Variants in KCNIP3 observed in about 807,000 individuals in gnomAD.
The protein encoded by KCNIP3 is potassium voltage-gated channel interacting protein 3, also known as calsenilin.
In KCNIP3, 28 loss-of-function variants were observed where a neutral mutation model predicts 35.0. The ratio of observed to expected loss-of-function variants is 0.80; its 90% CI spans 0.59 to 1.10. The LOEUF is 1.10. Ranked by LOEUF, KCNIP3 falls within the 50% of genes least tolerant of loss-of-function variation. The pLI, the probability that KCNIP3 is intolerant of heterozygous loss-of-function variation, is 0.00. For synonymous variants in KCNIP3, 134 were observed against 133.8 expected (o/e 1.00, Z -0.01); for missense variants, 295 against 338.4 (o/e 0.87, Z 1.01).
chr2:95,349,652 C>A (rs1679462871), intron 2 of KCNIP3, among the ~76,000 whole-genome samples: 1 of 152,208 alleles, frequency 6.6e-6, no homozygotes, highest in South Asian at 2.1e-4. Flanking sequence ...CAGGGCAAAT[C>A]AGTGGGCAGC....
chr2:95,308,651 C>G (rs1236768809), intron 1 of KCNIP3, among the ~76,000 whole-genome samples: 1 of 152,166 alleles, frequency 6.6e-6, no homozygotes, highest in East Asian at 1.9e-4. Context: ...TCGCTGGGCT[C>G]TGTGTGGACG....
rs750639376 is a variant in KCNIP3 at position 95,384,055 on chromosome 2, G to A, written c.*6G>A. 1.7e-5 allele frequency: 27 copies of A among 1,613,388 alleles called. No homozygotes were observed. The Middle Eastern group carries it at 8.2e-4, about 49-fold the overall frequency. ...TGTTTGAGAATGTCATCTAGGACAC[G>A]TCCAAAGGAGTGCATGGCCACAGCC... On this transcript the variant is annotated 3_prime_UTR_variant, in exon 9 of 9. Transcript: ENST00000295225.
At chr2:95,315,052 G>A (rs1295641419) in intron 2 of KCNIP3, among the ~76,000 whole-genome samples, 2 of 152,158 alleles carry the variant, frequency 1.3e-5, no homozygotes, top group African/African-American at 4.8e-5. Flanking sequence ...GTGAGCCCTG[G>A]TCTTTGGTCA....
At chr2:95,368,822 A>G (rs1486227227) in intron 2 of KCNIP3, 9 of 218,674 alleles carry the variant, frequency 4.1e-5, no homozygotes, top group African/African-American at 2.1e-4. Flanking sequence ...ATGACCCTTC[A>G]TGTCGTCATC....
chr2:95,366,208 C>G (rs1213924599), intron 2 of KCNIP3, among the ~76,000 whole-genome samples: 1 of 152,158 alleles, frequency 6.6e-6, no homozygotes, highest in Non-Finnish European at 1.5e-5. Context: ...CTTTGGTAGT[C>G]AGCCCCCAGG....
chr2:95,360,756 A>G lies in KCNIP3; in HGVS notation c.182-13540A>G, dbSNP rs1679779469. On this transcript the variant is annotated intron_variant, in intron 2 of 8. Coordinates refer to ENST00000295225, the MANE Select transcript of KCNIP3 (RefSeq NM_013434.5). ...CAGACAGACAGACAGAGAGAGAGAG[A>G]GCGAGAGACAGAGAGAGAGAGAGAG... 2.0e-5 allele frequency among the ~76,000 whole-genome samples: 3 copies of G among 152,156 alleles called. No homozygotes were observed. The South Asian group carries it at 6.2e-4, about 32-fold the overall frequency.
intron 2 of KCNIP3, among the ~76,000 whole-genome samples, chr2:95,350,267 A>G (rs1174497875): frequency 6.6e-6 from 1 of 151,894 alleles, no homozygotes; most frequent in Non-Finnish European, 1.5e-5. Context: ...ACTCCCTTAC[A>G]CACTTGATTT....
chr2:95,315,732 C>A (rs770164035), intron 2 of KCNIP3, among the ~76,000 whole-genome samples: 4 of 152,098 alleles, frequency 2.6e-5, no homozygotes, highest in Non-Finnish European at 5.9e-5. Context: ...TATAAGTCAC[C>A]TCCGAAAGTT....
At chr2:95,320,057 T>A (rs1678555190) in intron 2 of KCNIP3, among the ~76,000 whole-genome samples, 1 of 152,162 alleles carries the variant, frequency 6.6e-6, no homozygotes, top group South Asian at 2.1e-4. Context: ...ATGCCGGTTC[T>A]GGGATTCTCA....
intron 1 of KCNIP3, among the ~76,000 whole-genome samples, chr2:95,300,744 T>A (rs1678005636): frequency 6.6e-6 from 1 of 152,234 alleles, no homozygotes; most frequent in Non-Finnish European, 1.5e-5. Context: ...CAAGGGGACC[T>A]GCAGAGTTGG....
chr2:95,299,656 G>A (rs1356513084), intron 1 of KCNIP3, among the ~76,000 whole-genome samples: 2 of 152,260 alleles, frequency 1.3e-5, no homozygotes, highest in African/African-American at 4.8e-5. Context: ...AGGCGCTGCT[G>A]TCGCGGTGTT....
chr2:95,319,473 G>A (rs1259100624), intron 2 of KCNIP3, among the ~76,000 whole-genome samples: 1 of 152,220 alleles, frequency 6.6e-6, no homozygotes, highest in African/African-American at 2.4e-5. Context: ...TCTCTGTGAG[G>A]TGAGACACTG....
intron 2 of KCNIP3, among the ~76,000 whole-genome samples, chr2:95,319,002 C>T (rs2104222998): frequency 6.6e-6 from 1 of 152,348 alleles, no homozygotes; most frequent in East Asian, 1.9e-4. Context: ...ACAGCATCTC[C>T]AGGGACCAGG....
In KCNIP3 at chr2:95,353,634, A is replaced by AGGG. The variant is rs1679581880; in HGVS notation, c.182-20661_182-20660insGGG. Among the ~76,000 whole-genome samples the AGGG allele has an allele frequency of 2.0e-5, 3 of 152,228 alleles. No homozygotes were observed. The South Asian group carries it at 6.2e-4, about 32-fold the overall frequency. On this transcript the variant is annotated intron_variant, in intron 2 of 8. Transcript: ENST00000295225. ...TGCTGAGCCAAAAACACTTTGGAAA[A>AGGG]GTTGAAAGAGGAACTCAGATCTCAG...
At chr2:95,341,336 C>T (rs531929108) in intron 2 of KCNIP3, among the ~76,000 whole-genome samples, 5 of 152,306 alleles carry the variant, frequency 3.3e-5, no homozygotes, top group East Asian at 1.9e-4. Flanking sequence ...ACCAGCACCA[C>T]GCTGCCTGGT....
rs1023547938 is a variant in KCNIP3, at chr2:95,376,154, T to C, written c.447+946T>C. Among the ~76,000 whole-genome samples the C allele has an allele frequency of 2.6e-5, 4 of 152,176 alleles. No individual in the cohort carries two copies. Among genetic ancestry groups the C allele is most frequent in the African/African-American group, 9.7e-5 (4 of 41,442 alleles). ...GCAGACCGTGTTTTCAAATCTTGTTTTCAGATTTGAAATACCAACCCCACA... is the reference window on the plus strand; with the variant it reads ...GCAGACCGTGTTTTCAAATCTTGTTCTCAGATTTGAAATACCAACCCCACA... On this transcript the variant is annotated intron_variant, in intron 5 of 8. Transcript: ENST00000295225. This position sits in a 1 kb window ranked among gnomAD's most constrained non-coding sequence, Gnocchi z 4.2.
intron 2 of KCNIP3, among the ~76,000 whole-genome samples, chr2:95,349,930 T>A (rs886609965): frequency 6.6e-6 from 1 of 151,762 alleles, no homozygotes; most frequent in Non-Finnish European, 1.5e-5. Context: ...GGGCTGGGGG[T>A]GGGGTCTGCA....
intron 2 of KCNIP3, among the ~76,000 whole-genome samples, chr2:95,340,621 G>A (rs1166509668): frequency 2.0e-5 from 3 of 152,238 alleles, no homozygotes; most frequent in Non-Finnish European, 4.4e-5. Context: ...TGAAACATGA[G>A]GGGATTTTTC....
Position 95,385,802 on chromosome 2 carries a change from C to G in KCNIP3, c.*1753C>G, listed in dbSNP as rs973683793. ...CAGGGATCTTCTCCCTCCCCTCACC[C>G]GCTGCCCAGCCCTCCCAGCTGGTGT... On this transcript the variant is annotated 3_prime_UTR_variant, in exon 9 of 9. Transcript: ENST00000295225. The G allele has an allele frequency of 6.5e-6, 1 of 152,780 alleles. No homozygotes were observed. Among genetic ancestry groups the G allele is most frequent in the African/African-American group, 2.4e-5 (1 of 41,474 alleles). 9.5% of individuals were successfully genotyped at this position (152,780 alleles called of 1,614,324 possible).
Sources: gnomAD v4.1 joint callset for allele counts (sites outside exome capture counted in the v4.1 genomes callset) on GRCh38, gnomAD v4.1.1 for gene constraint, Gnocchi (gnomAD v3.1) non-coding constraint, MANE v1.5 for transcripts, NCBI Gene and HGNC (gene_info 2026-07-23, HGNC 2026-07-21) for gene names.